Variants in RNLS observed in about 807,000 individuals in gnomAD.
RNLS encodes the protein renalase.
A neutral mutation model predicts 39.8 loss-of-function variants in RNLS; 39 were observed. The ratio of observed to expected loss-of-function variants is 0.98; its 90% confidence interval spans 0.76 to 1.28. The LOEUF (loss-of-function observed/expected upper bound fraction) is 1.28, where lower values mean the gene tolerates loss of function less well. Ranked by LOEUF, RNLS falls within the 50% of genes most tolerant of loss-of-function variation. The pLI, the probability that RNLS is intolerant of heterozygous loss-of-function variation, is 0.00. For missense variants in RNLS, 410 were observed against 413.3 expected (o/e 0.99, Z 0.07); for synonymous variants, 147 against 150.7 (o/e 0.98, Z 0.18).
intron 4 of RNLS, among the ~76,000 whole-genome samples, chr10:88,513,920 T>A (rs1846278284): frequency 6.6e-6 from 1 of 152,116 alleles, no homozygotes; most frequent in African/African-American, 2.4e-5. Context: ...GTAGTGTTGT[T>A]CTACATTTAT....
At chr10:88,386,105 A>C (rs1451396293) in intron 4 of RNLS, among the ~76,000 whole-genome samples, 3 of 152,094 alleles carry the variant, frequency 2.0e-5, no homozygotes, top group Non-Finnish European at 2.9e-5. Flanking sequence ...ATGTTAACCG[A>C]AATTTCGTAC....
chr10:88,359,015 TAAAG>T (rs1849418878), intron 5 of RNLS, among the ~76,000 whole-genome samples: 1 of 152,162 alleles, frequency 6.6e-6, no homozygotes, highest in South Asian at 2.1e-4. Flanking sequence ...GTTACTGGCA[TAAAG>T]AAACATCTCC....
chr10:88,493,282 C>T (rs1312785045), intron 4 of RNLS, among the ~76,000 whole-genome samples: 1 of 151,796 alleles, frequency 6.6e-6, no homozygotes, highest in East Asian at 1.9e-4. Flanking sequence ...TTCTGATAAT[C>T]TAGCAAAGTA....
Position 88,433,311 on chromosome 10 carries a change from T to C in RNLS, c.527-70586A>G, listed in dbSNP as rs1183225846. ...TAGTCCAGAGTTGTTCTTCTGAGCA[T>C]TGCTAGGGAAGCAAGGCAGTGTGGT... On this transcript the variant is annotated intron_variant, in intron 4 of 6. Transcript: ENST00000331772. Among the ~76,000 whole-genome samples, 7 of 151,988 alleles carry C rather than the reference T, an allele frequency of 4.6e-5. No individual in the cohort carries two copies. In the East Asian group the frequency reaches 1.2e-3, roughly 25 times the overall value.
At chr10:88,198,966 C>T in the RNLS span, among the ~76,000 whole-genome samples, 2 of 152,162 alleles carry the variant, frequency 1.3e-5, no homozygotes, top group Non-Finnish European at 2.9e-5. Flanking sequence ...TTCTCCTCCT[C>T]AGTGATGTCA....
In RNLS at chr10:88,323,697, A is replaced by G. The variant is rs147950427; in HGVS notation, c.701-9056T>C. 2.8e-3 allele frequency among the ~76,000 whole-genome samples: 431 copies of G among 152,312 alleles called. 2 individuals carry two copies. The highest frequency in any genetic ancestry group is 8.8e-3 in the African/African-American group (367 of 41,582). On this transcript the variant is annotated intron_variant, in intron 5 of 6. Transcript: ENST00000331772. ...ACTACTTTGGACGTTGGCATATTCA[A>G]AGAATATATGACTAAGACCTCAAGA...
the RNLS span, among the ~76,000 whole-genome samples, chr10:88,229,144 G>T: frequency 6.6e-6 from 1 of 152,090 alleles, no homozygotes; most frequent in African/African-American, 2.4e-5. Flanking sequence ...AAAAATAAAA[G>T]ATCTTCTTCC....
At chr10:88,566,293 T>A (rs1849499423) in intron 4 of RNLS, among the ~76,000 whole-genome samples, 1 of 152,026 alleles carries the variant, frequency 6.6e-6, no homozygotes, top group Admixed American at 6.6e-5. Context: ...CATTCTATTT[T>A]TCATGGGTAT....
intron 4 of RNLS, among the ~76,000 whole-genome samples, chr10:88,475,546 C>G (rs1843767961): frequency 6.6e-6 from 1 of 152,092 alleles, no homozygotes; most frequent in African/African-American, 2.4e-5. Context: ...ATTAAAAAAC[C>G]TTTTCTTTTC....
the RNLS span, among the ~76,000 whole-genome samples, chr10:88,250,120 G>A: frequency 1.1e-4 from 16 of 152,258 alleles, no homozygotes; most frequent in African/African-American, 3.6e-4. Context: ...TTGTGCTACC[G>A]TGACTCATCA....
intron 4 of RNLS, among the ~76,000 whole-genome samples, chr10:88,521,325 G>C (rs952242623): frequency 1.4e-4 from 22 of 152,040 alleles, no homozygotes; most frequent in African/African-American, 5.3e-4. Context: ...GCAAAAGCAA[G>C]GCCCTAGAAT....
chr10:88,236,587 T>A, the RNLS span, among the ~76,000 whole-genome samples: 1 of 152,254 alleles, frequency 6.6e-6, no homozygotes, highest in Non-Finnish European at 1.5e-5. Context: ...GTCAGGGCTC[T>A]ACCAAGATCT....
intron 4 of RNLS, among the ~76,000 whole-genome samples, chr10:88,407,995 C>T (rs942099856): frequency 9.9e-5 from 15 of 152,100 alleles, no homozygotes; most frequent in Non-Finnish European, 1.5e-4. Context: ...CCACCTCCCA[C>T]CCTCATTCCC....
chr10:88,460,709 A>G (rs756670803), intron 4 of RNLS, among the ~76,000 whole-genome samples: 2 of 152,158 alleles, frequency 1.3e-5, no homozygotes, highest in African/African-American at 4.8e-5. Flanking sequence ...AAATGCACCT[A>G]TAATTTAGAA....
chr10:88,344,738 A>G (rs568812161), intron 5 of RNLS, among the ~76,000 whole-genome samples: 1 of 152,284 alleles, frequency 6.6e-6, no homozygotes, highest in Admixed American at 6.5e-5. Flanking sequence ...TATTTATAAT[A>G]GAAATCTATT....
the RNLS span, among the ~76,000 whole-genome samples, chr10:88,182,272 T>G: frequency 2.6e-5 from 4 of 152,086 alleles, no homozygotes; most frequent in Non-Finnish European, 5.9e-5. Flanking sequence ...TCACCCCAGG[T>G]GACCGGATGT....
chr10:88,435,011 G>C (rs778180592), intron 4 of RNLS, among the ~76,000 whole-genome samples: 1 of 152,008 alleles, frequency 6.6e-6, no homozygotes, highest in East Asian at 1.9e-4. Flanking sequence ...GGAGGAAACT[G>C]TGCCCCCAAA....
chr10:88,527,525 AC>A (rs1174943852), intron 4 of RNLS, among the ~76,000 whole-genome samples: 1 of 152,158 alleles, frequency 6.6e-6, no homozygotes, highest in Non-Finnish European at 1.5e-5. Flanking sequence ...TAAACAACTC[AC>A]ATGCCTCATG....
chr10:88,402,878 G>A lies in RNLS; in HGVS notation c.527-40153C>T, dbSNP rs559469697. ...GAATGTTCTTTAGAAACATTCTAGC[G>A]AATAAAGTAAAATATATTTTTTGCA... On this transcript the variant is annotated intron_variant, in intron 4 of 6. Transcript: ENST00000331772. Among the ~76,000 whole-genome samples, 9 of 152,060 alleles carry A rather than the reference G, an allele frequency of 5.9e-5. No individual in the cohort carries two copies. The South Asian group carries it at 1.0e-3, about 17-fold the overall frequency.
Sources: allele counts gnomAD v4.1 joint callset (sites outside exome capture counted in the v4.1 genomes callset), GRCh38; gene constraint gnomAD v4.1.1; transcripts MANE v1.5; gene names NCBI Gene and HGNC (gene_info 2026-07-23, HGNC 2026-07-21).